The following FYN variants were observed in gnomAD, a reference collection of about 807,000 sequenced individuals.
The protein encoded by FYN is tyrosine-protein kinase Fyn.
A neutral mutation model predicts 70.2 loss-of-function variants in FYN; 10 were observed. The ratio of observed to expected loss-of-function variants is 0.14; its 90% CI spans 0.09 to 0.24. FYN has a LOEUF of 0.24. Ranked by LOEUF, FYN falls within the 10% of genes least tolerant of loss-of-function variation. The probability of loss-of-function intolerance (pLI) is 1.00; values close to 1 mark genes in which losing one functional copy is unlikely to be tolerated. For synonymous variants in FYN, 236 were observed against 248.6 expected, an observed-to-expected ratio of 0.95 and a Z score of 0.48; for missense variants, 319 against 673.1, an observed-to-expected ratio of 0.47 and a Z score of 5.82.
chr6:111,672,961 C>T (rs1047908256), intron 13 of FYN, among the ~76,000 whole-genome samples: 1 of 152,134 alleles, frequency 6.6e-6, no homozygotes, highest in South Asian at 2.1e-4. Context: ...CTGTGTGAGA[C>T]CCTGAGAAAC....
At chr6:111,816,163 CTT>C (rs771460168) in intron 2 of FYN, among the ~76,000 whole-genome samples, 7 of 152,068 alleles carry the variant, frequency 4.6e-5, no homozygotes, top group Non-Finnish European at 8.8e-5. Flanking sequence ...TTAAATGCCT[CTT>C]TGTTCTTTCA....
At chr6:111,688,150 T>G (rs1300876368) in intron 12 of FYN, among the ~76,000 whole-genome samples, 2 of 152,224 alleles carry the variant, frequency 1.3e-5, no homozygotes, top group African/African-American at 4.8e-5. Flanking sequence ...CTTGAATTCT[T>G]ACAACCACCT....
At chr6:111,857,602 T>C (rs936955036) in intron 1 of FYN, among the ~76,000 whole-genome samples, 1 of 152,186 alleles carries the variant, frequency 6.6e-6, no homozygotes, top group Non-Finnish European at 1.5e-5. Context: ...GTTTGAAATA[T>C]ACACTTACTA....
At chr6:111,692,007 T>C (rs1799340718) in intron 12 of FYN, among the ~76,000 whole-genome samples, 2 of 152,028 alleles carry the variant, frequency 1.3e-5, no homozygotes, top group Admixed American at 6.5e-5. Flanking sequence ...AGGTGTTTTA[T>C]AAATGGCTCT....
intron 2 of FYN, among the ~76,000 whole-genome samples, chr6:111,838,518 G>A (rs968610165): frequency 1.3e-5 from 2 of 152,198 alleles, no homozygotes; most frequent in African/African-American, 2.4e-5. Context: ...TAACATCACA[G>A]AAGAACAACA....
chr6:111,700,765 A>AG (rs1799796936), intron 8 of FYN, among the ~76,000 whole-genome samples: 1 of 152,202 alleles, frequency 6.6e-6, no homozygotes, highest in Admixed American at 6.5e-5. Flanking sequence ...TAGATTACCC[A>AG]GGGGATTAGG....
Position 111,843,421 on chromosome 6 carries a change from A to G in FYN, c.-82+3168T>C, listed in dbSNP as rs575468308. Among the ~76,000 whole-genome samples, 5 of 152,328 alleles carry G rather than the reference A, an allele frequency of 3.3e-5. 1 individual carries two copies. The highest frequency in any genetic ancestry group is 3.9e-4 in the East Asian group (2 of 5,192). ...TTCACTTTTTAAAAATACACTTTAT[A>G]CACTTAAAGCAATGATATCTGGAAC... is the stretch of plus-strand genomic sequence containing the variant. On this transcript the variant is annotated intron_variant, in intron 2 of 13. Coordinates refer to ENST00000354650, the MANE Select transcript of FYN (RefSeq NM_002037.5).
rs71021858 is a variant in FYN, at chr6:111,673,622, G to GT, written c.1405+876dup. Among the ~76,000 whole-genome samples, 194 of 116,574 alleles carry GT rather than the reference G, an allele frequency of 1.7e-3. 2 individuals carry two copies. The highest frequency in any genetic ancestry group is 5.2e-3 in the Middle Eastern group (1 of 192). The allele number at this position is 116,574 out of a possible 152,430, so 76.5% of individuals were successfully genotyped here. A position where few individuals can be genotyped will look rare whatever the true frequency, so the allele number is the denominator to read the frequency against. ...AATCGTCACTATCGTTTCTATCATTGTTTTTTTTTTTTTTTTTTTCTTTAA... is the reference window on the plus strand; with the variant it reads ...AATCGTCACTATCGTTTCTATCATTGTTTTTTTTTTTTTTTTTTTTCTTTAA... On this transcript the variant is annotated intron_variant, in intron 13 of 13. Coordinates refer to ENST00000354650, the MANE Select transcript of FYN (RefSeq NM_002037.5).
intron 5 of FYN, chr6:111,708,233 T>C: frequency 2.1e-6 from 1 of 472,710 alleles, no homozygotes; most frequent in Non-Finnish European, 3.8e-6. Flanking sequence ...CAGTTGTCTC[T>C]TGCCTTATTT....
chr6:111,841,844 C>T (rs60645517), intron 2 of FYN, among the ~76,000 whole-genome samples: 9,057 of 151,704 alleles, frequency 0.06, 369 homozygotes, highest in African/African-American at 0.11. Flanking sequence ...TAGACAGCAC[C>T]GCTTAGTTTT....
At chr6:111,777,465 T>C (rs1311055948) in intron 3 of FYN, among the ~76,000 whole-genome samples, 1 of 152,166 alleles carries the variant, frequency 6.6e-6, no homozygotes, top group East Asian at 1.9e-4. Context: ...TCGGGCCCGA[T>C]TATTCTGCAT....
In FYN at chr6:111,694,383, G is replaced by C; in HGVS notation, c.1265C>G (p.Ala422Gly). The C allele has an allele frequency of 6.2e-7, 1 of 1,614,208 alleles. No individual in the cohort carries two copies. Residue 422 changes from alanine (A) to glycine (G), a missense_variant, in exon 12 of 14, where the codon GCA (alanine) becomes GGA (glycine). By Grantham distance (60) the Ala-to-Gly change is moderately conservative. Transcript: ENST00000354650. This position sits in a 1 kb window ranked among gnomAD's most constrained non-coding sequence, Gnocchi z 5.0. ...ARLIEDNEYT[A>G]RQGAKFPIKW... The stretch of plus-strand genomic sequence containing the variant: ...GTCATTCAAGTGCCCACCTTGTCTT[G>C]CTGTGTACTCATTGTCTTCTATCAA...
At chr6:111,724,719 A>C (rs764521290) in intron 3 of FYN, among the ~76,000 whole-genome samples, 1 of 152,232 alleles carries the variant, frequency 6.6e-6, no homozygotes, top group Non-Finnish European at 1.5e-5. Flanking sequence ...CTTTTGTCTC[A>C]GAAGCCAACC....
At chr6:111,860,569 C>T (rs917353202) in intron 1 of FYN, among the ~76,000 whole-genome samples, 2 of 152,330 alleles carry the variant, frequency 1.3e-5, no homozygotes, top group East Asian at 3.9e-4. Context: ...ATTAGGGACT[C>T]TTCCCCACAT....
At chr6:111,679,999 A>G (rs1285160478) in intron 12 of FYN, among the ~76,000 whole-genome samples, 4 of 152,166 alleles carry the variant, frequency 2.6e-5, no homozygotes, top group Non-Finnish European at 2.9e-5. Context: ...TTAAGAATAA[A>G]TTCTTAATAG....
chr6:111,779,146 T>TTTTTTTTA (rs1771075049), intron 3 of FYN, among the ~76,000 whole-genome samples: 1 of 148,158 alleles, frequency 6.7e-6, no homozygotes. Context: ...TTTTTTTTTT[T>TTTTTTTTA]GCTAGCAGGG....
chr6:111,699,213 C>T (rs1562478325), intron 9 of FYN, among the ~76,000 whole-genome samples: 1 of 152,196 alleles, frequency 6.6e-6, no homozygotes, highest in African/African-American at 2.4e-5. Context: ...GCAAAACGTC[C>T]ATGGTCTTTC....
Position 111,865,979 on chromosome 6 carries a change from T to C in FYN, c.-123+6989A>G, listed in dbSNP as rs530809360. On this transcript the variant is annotated intron_variant, in intron 1 of 13. Coordinates refer to ENST00000354650, the MANE Select transcript of FYN (RefSeq NM_002037.5). ...TCCCAACTTTTCTAACAATTTTTGA[T>C]TCAGAACCGACAATCACCCAAATCT... Among the ~76,000 whole-genome samples the C allele has an allele frequency of 1.4e-3, 216 of 152,328 alleles. 1 individual carries two copies. Among genetic ancestry groups the C allele is most frequent in the African/African-American group, 5.0e-3 (207 of 41,570 alleles).
In FYN at chr6:111,842,592, C is replaced by T. The variant is rs1313218091; in HGVS notation, c.-82+3997G>A. Reference sequence around the variant, plus strand: ...CCAGCACTGTGAGGCCTTTGGATACCCCATGTAAACACTGCTGGCCTCTGA... The same window carrying T: ...CCAGCACTGTGAGGCCTTTGGATACTCCATGTAAACACTGCTGGCCTCTGA... On this transcript the variant is annotated intron_variant, in intron 2 of 13. Transcript: ENST00000354650. 2.6e-5 allele frequency among the ~76,000 whole-genome samples: 4 copies of T among 152,294 alleles called. No individual in the cohort carries two copies. In the East Asian group the frequency reaches 7.7e-4, roughly 29 times the overall value.
Sources: allele counts gnomAD v4.1 joint callset (sites outside exome capture counted in the v4.1 genomes callset), GRCh38; gene constraint gnomAD v4.1.1; non-coding constraint Gnocchi (gnomAD v3.1); transcripts MANE v1.5; gene names NCBI Gene and HGNC (gene_info 2026-07-23, HGNC 2026-07-21).